The following HPSE2 variants were observed in gnomAD, a reference collection of about 807,000 sequenced individuals.
The protein encoded by HPSE2 is inactive heparanase-2.
A neutral mutation model predicts 60.5 loss-of-function variants in HPSE2; 38 were observed. The ratio of observed to expected loss-of-function variants is 0.63; its 90% confidence interval spans 0.48 to 0.82. The LOEUF (loss-of-function observed/expected upper bound fraction) is 0.82, where lower values mean the gene tolerates loss of function less well. HPSE2 is among the 40% of genes least tolerant of loss of function. The probability of loss-of-function intolerance (pLI) is 0.00; values close to 1 mark genes in which losing one functional copy is unlikely to be tolerated. For missense variants in HPSE2, 713 were observed against 740.4 expected (o/e 0.96, Z 0.43); for synonymous variants, 295 against 293.2 (o/e 1.01, Z -0.06).
intron 5 of HPSE2, among the ~76,000 whole-genome samples, chr10:98,716,801 G>T (rs767534479): frequency 2.0e-5 from 3 of 152,048 alleles, no homozygotes; most frequent in African/African-American, 4.8e-5. Flanking sequence ...GTAATATTTT[G>T]AAAGGAATCT....
At chr10:98,993,111 A>G (rs1334003650) in intron 3 of HPSE2, among the ~76,000 whole-genome samples, 4 of 152,194 alleles carry the variant, frequency 2.6e-5, no homozygotes, top group African/African-American at 9.6e-5. Flanking sequence ...TTAGGCTGTA[A>G]AATTCCTAAA....
At chr10:99,092,270 T>C (rs1009501323) in intron 3 of HPSE2, among the ~76,000 whole-genome samples, 5 of 152,180 alleles carry the variant, frequency 3.3e-5, no homozygotes, top group Admixed American at 3.3e-4. Flanking sequence ...TACTATATGA[T>C]AAACATTAGA....
At chr10:99,108,259 C>CT (rs2135670773) in intron 3 of HPSE2, among the ~76,000 whole-genome samples, 1 of 152,144 alleles carries the variant, frequency 6.6e-6, no homozygotes, top group East Asian at 1.9e-4. Flanking sequence ...TGTTGAAAGC[C>CT]TATTATACTC....
chr10:98,995,128 A>G lies in HPSE2; in HGVS notation c.610+149110T>C, dbSNP rs115361526. On this transcript the variant is annotated intron_variant, in intron 3 of 11. Transcript: ENST00000370552. ...TCCTTACTTGCTTCTGGTGCTTCCC[A>G]TCTCTTCTCTGGTGAATCCTAGCAT... Among the ~76,000 whole-genome samples, 1,023 of 152,152 alleles carry G rather than the reference A, an allele frequency of 6.7e-3. 8 individuals are homozygous for G. The highest frequency in any genetic ancestry group is 0.023 in the African/African-American group (960 of 41,504).
chr10:98,555,328 C>T (rs996081593), intron 9 of HPSE2, among the ~76,000 whole-genome samples: 2 of 152,158 alleles, frequency 1.3e-5, no homozygotes, highest in African/African-American at 4.8e-5. Context: ...CCCCTCTGAG[C>T]GAGGTGCTGT....
chr10:99,168,087 TACACACACACACAC>T (rs56393224), intron 2 of HPSE2, among the ~76,000 whole-genome samples: 8 of 144,728 alleles, frequency 5.5e-5, no homozygotes, highest in South Asian at 2.2e-4. Flanking sequence ...TCAGCCTATT[TACACACACACACAC>T]ACACACACAC....
At chr10:99,131,590 CA>C in intron 3 of HPSE2, among the ~76,000 whole-genome samples, 1 of 152,032 alleles carries the variant, frequency 6.6e-6, no homozygotes, top group Non-Finnish European at 1.5e-5. Flanking sequence ...AGACCATTTG[CA>C]GCAACTTGGA....
chr10:99,262,575 A>G, the HPSE2 span, among the ~76,000 whole-genome samples: 1 of 152,078 alleles, frequency 6.6e-6, no homozygotes, highest in African/African-American at 2.4e-5. Context: ...CTTAATGCCA[A>G]TATCCCATCC....
intron 3 of HPSE2, among the ~76,000 whole-genome samples, chr10:98,890,823 T>C (rs1441351929): frequency 6.6e-6 from 1 of 152,218 alleles, no homozygotes; most frequent in East Asian, 1.9e-4. Flanking sequence ...GATATGCTTT[T>C]GACATGGCTA....
chr10:98,544,952 T>TA (rs1392938709), intron 9 of HPSE2, among the ~76,000 whole-genome samples: 1 of 151,650 alleles, frequency 6.6e-6, no homozygotes, highest in African/African-American at 2.4e-5. Flanking sequence ...ATAGATGCAA[T>TA]AAAAAATGAC....
intron 3 of HPSE2, among the ~76,000 whole-genome samples, chr10:98,806,881 C>T (rs1165251253): frequency 4.6e-5 from 7 of 152,248 alleles, no homozygotes; most frequent in African/African-American, 1.7e-4. Flanking sequence ...CGGTGGCTCA[C>T]GCCTGTAATC....
chr10:98,739,022 C>T (rs572363320), intron 4 of HPSE2, among the ~76,000 whole-genome samples: 132 of 152,228 alleles, frequency 8.7e-4, no homozygotes, highest in African/African-American at 3.0e-3. Flanking sequence ...CACATGCACA[C>T]GTATGTTTAT....
chr10:99,041,530 A>C (rs1032149431), intron 3 of HPSE2, among the ~76,000 whole-genome samples: 1 of 152,166 alleles, frequency 6.6e-6, no homozygotes, highest in South Asian at 2.1e-4. Flanking sequence ...TCTGAACAGA[A>C]CTACCCACTC....
chr10:99,086,834 CCTT>C (rs1843338012), intron 3 of HPSE2, among the ~76,000 whole-genome samples: 1 of 152,152 alleles, frequency 6.6e-6, no homozygotes, highest in Non-Finnish European at 1.5e-5. Context: ...CTATTTCTCT[CCTT>C]CTGAGGATTG....
rs554963386 is a variant in HPSE2, at chr10:98,724,000, T to C, written c.785-2172A>G. On this transcript the variant is annotated intron_variant, in intron 4 of 11. Coordinates refer to ENST00000370552, the MANE Select transcript of HPSE2 (RefSeq NM_021828.5). ...TTTGATCTTAGTTATTTCTTGCCTT[T>C]TGCTAGCTTTTGAATGTGTTTGCTC... Among the ~76,000 whole-genome samples, 21 of 152,184 alleles carry C rather than the reference T, an allele frequency of 1.4e-4. No homozygotes were observed. The South Asian group carries it at 2.5e-3, about 18-fold the overall frequency.
intron 3 of HPSE2, among the ~76,000 whole-genome samples, chr10:98,952,621 C>T (rs1251447140): frequency 6.6e-6 from 1 of 151,940 alleles, no homozygotes; most frequent in African/African-American, 2.4e-5. Flanking sequence ...GCTTGGGCTG[C>T]CATAACAAAA....
At chr10:98,566,926 A>G (rs1021885787) in intron 9 of HPSE2, among the ~76,000 whole-genome samples, 3 of 152,192 alleles carry the variant, frequency 2.0e-5, no homozygotes, top group Admixed American at 1.3e-4. Context: ...TTTTCCCCTC[A>G]TTACCATAAT....
At chr10:98,585,142 C>G (rs1056488182) in intron 9 of HPSE2, among the ~76,000 whole-genome samples, 1 of 152,102 alleles carries the variant, frequency 6.6e-6, no homozygotes, top group Admixed American at 6.5e-5. Flanking sequence ...TAAGCCATGA[C>G]CAGGATGACT....
intron 3 of HPSE2, among the ~76,000 whole-genome samples, chr10:99,083,502 T>C (rs1356728790): frequency 1.3e-5 from 2 of 152,224 alleles, no homozygotes; most frequent in Non-Finnish European, 2.9e-5. Context: ...AGGTCTCTTT[T>C]AAATCCCTTC....
Sources: gnomAD v4.1 joint callset for allele counts (sites outside exome capture counted in the v4.1 genomes callset) on GRCh38, gnomAD v4.1.1 for gene constraint, MANE v1.5 for transcripts, NCBI Gene and HGNC (gene_info 2026-07-23, HGNC 2026-07-21) for gene names.